INVS: variants seen among roughly 807,000 people sequenced by gnomAD.
INVS encodes the protein inversion of embryo turning homolog.
In INVS, 86 loss-of-function variants were observed where a neutral mutation model predicts 108.8. The ratio of observed to expected loss-of-function variants is 0.79; its 90% confidence interval spans 0.66 to 0.95. INVS has a LOEUF of 0.95. Ranked by LOEUF, INVS falls within the 40% of genes least tolerant of loss-of-function variation. The pLI, the probability that INVS is intolerant of heterozygous loss-of-function variation, is 0.00. For missense variants in INVS, 1,169 were observed against 1,297.4 expected (o/e 0.90, Z 1.52); for synonymous variants, 455 against 473.5 (o/e 0.96, Z 0.51).
intron 14 of INVS, 133 bp downstream of exon 14, chr9:100,293,176 C>T (rs1833681268): frequency 1.3e-6 from 1 of 767,714 alleles, no homozygotes; most frequent in Admixed American, 2.0e-5. Flanking sequence ...TAGAGCCTAC[C>T]CATGAAATTC....
intron 2 of INVS, among the ~76,000 whole-genome samples, chr9:100,125,326 G>A (rs1000895990): frequency 9.9e-5 from 15 of 152,212 alleles, no homozygotes. Flanking sequence ...TTTGAGTAGA[G>A]CATAGTCAAA....
intron 2 of INVS, chr9:100,117,431 C>T (rs1348457004): frequency 8.8e-6 from 7 of 792,338 alleles, no homozygotes; most frequent in Non-Finnish European, 1.6e-5. Context: ...CTTGACCAAG[C>T]GGCCCAGCTT....
At chr9:100,234,281 G>A (rs1358960040) in intron 5 of INVS, among the ~76,000 whole-genome samples, 1 of 151,974 alleles carries the variant, frequency 6.6e-6, no homozygotes, top group African/African-American at 2.4e-5. Flanking sequence ...AGTCTGGCTA[G>A]TGGTCTATTT....
Position 100,292,942 on chromosome 9 carries a change from C to T in INVS, c.2685C>T (p.Pro895=), listed in dbSNP as rs371932940. The T allele has an allele frequency of 1.8e-4, 292 of 1,613,010 alleles. No individual in the cohort carries two copies. Among genetic ancestry groups the T allele is most frequent in the Non-Finnish European group, 2.1e-4 (252 of 1,179,168 alleles). Residue 895 remains proline (P), a synonymous_variant, in exon 14 of 17, where the codon CCC becomes CCT. Transcript: ENST00000262457. Reference sequence around the variant, plus strand: ...AGAGTGTGAATATTGACCTTCTCCCCGTAGAGCTCCGACTGCAGATAATTC... The same window carrying T: ...AGAGTGTGAATATTGACCTTCTCCCTGTAGAGCTCCGACTGCAGATAATTC... ...SGQSVNIDLL[P]VELRLQIIQR... is the part of the protein sequence containing the mutation.
chr9:100,282,104 G>A (rs903506401), intron 12 of INVS, among the ~76,000 whole-genome samples: 24 of 152,006 alleles, frequency 1.6e-4, no homozygotes, highest in Non-Finnish European at 2.9e-4. Flanking sequence ...CCTGCTCATC[G>A]GTGCTGATAA....
chr9:100,280,100 T>C (rs1833230717), intron 12 of INVS, among the ~76,000 whole-genome samples: 3 of 152,228 alleles, frequency 2.0e-5, no homozygotes, highest in African/African-American at 7.2e-5. Flanking sequence ...TTTTTAGCCC[T>C]TTTCTTGCTA....
In INVS at chr9:100,272,922, T is replaced by G; in HGVS notation, c.1630T>G (p.Leu544Val). The G allele has an allele frequency of 3.0e-5, 48 of 1,614,122 alleles. 1 individual carries two copies. Among genetic ancestry groups the G allele is most frequent in the Non-Finnish European group, 4.1e-5 (48 of 1,180,020 alleles). The change falls in exon 12 of 17, where the codon TTG (leucine) becomes GTG (valine). Residue 544 changes from leucine (L) to valine (V), a missense_variant. By Grantham distance (32) the Leu-to-Val change is conservative (BLOSUM62 1). Around this residue, in one of 3 missense-constraint regions of INVS, gnomAD observed 271 missense variants for 363.8 expected, o/e 0.74. Coordinates refer to ENST00000262457, the MANE Select transcript of INVS (RefSeq NM_014425.5). The stretch of plus-strand genomic sequence containing the variant: ...GCGCCATGAAGTGATCCAGTTCATG[T>G]TGGAGCACGGTGCCCTGTCCATCGC... The part of the protein sequence containing the change: ...GERHEVIQFM[L>V]EHGALSIAAI...
At chr9:100,260,743 G>C (rs764315004) in intron 10 of INVS, among the ~76,000 whole-genome samples, 1 of 152,050 alleles carries the variant, frequency 6.6e-6, no homozygotes, top group South Asian at 2.1e-4. Flanking sequence ...GGGGAAGCTT[G>C]GGGGGAGATT....
intron 3 of INVS, among the ~76,000 whole-genome samples, chr9:100,195,102 G>T (rs1388348182): frequency 6.6e-6 from 1 of 152,124 alleles, no homozygotes; most frequent in Non-Finnish European, 1.5e-5. Context: ...GTCAAATATT[G>T]TGGCAACTGC....
chr9:100,167,514 A>C (rs1313700854), intron 3 of INVS, among the ~76,000 whole-genome samples: 1 of 152,104 alleles, frequency 6.6e-6, no homozygotes, highest in Non-Finnish European at 1.5e-5. Flanking sequence ...TATTCAAGTC[A>C]CTGTCTCAGT....
At chr9:100,291,958 A>T (rs1437769066) in intron 13 of INVS, among the ~76,000 whole-genome samples, 1 of 152,210 alleles carries the variant, frequency 6.6e-6, no homozygotes, top group Non-Finnish European at 1.5e-5. Flanking sequence ...GATATTTAAT[A>T]AGACCATCTG....
chr9:100,140,275 A>G (rs557905713), intron 3 of INVS, among the ~76,000 whole-genome samples: 30 of 152,162 alleles, frequency 2.0e-4, no homozygotes, highest in Non-Finnish European at 3.7e-4. Flanking sequence ...TGAGTCTGAA[A>G]AGAGTCAGTG....
At chr9:100,298,590 A>T (rs1833859016) in intron 16 of INVS, among the ~76,000 whole-genome samples, 1 of 152,122 alleles carries the variant, frequency 6.6e-6, no homozygotes, top group African/African-American at 2.4e-5. Context: ...AGTGTTTCTC[A>T]TAGGTGGCTA....
chr9:100,265,453 A>T (rs911870438), intron 11 of INVS, among the ~76,000 whole-genome samples: 1 of 152,206 alleles, frequency 6.6e-6, no homozygotes, highest in Non-Finnish European at 1.5e-5. Context: ...TCAGAATTTC[A>T]TCTATTGCCT....
intron 10 of INVS, among the ~76,000 whole-genome samples, chr9:100,253,987 C>G (rs866679012): frequency 2.6e-5 from 4 of 152,154 alleles, no homozygotes; most frequent in Non-Finnish European, 4.4e-5. Flanking sequence ...TTAGGAGTCG[C>G]CACACTGTCT....
rs554303601 is a variant in INVS, at chr9:100,224,050, C to CA, written c.274-2003dup. Among the ~76,000 whole-genome samples, 98 of 150,736 alleles carry CA rather than the reference C, an allele frequency of 6.5e-4. 1 individual carries two copies. The highest frequency in any genetic ancestry group is 1.3e-3 in the African/African-American group (52 of 41,038). On this transcript the variant is annotated intron_variant, in intron 3 of 16. Coordinates refer to ENST00000262457, the MANE Select transcript of INVS (RefSeq NM_014425.5). ...TAACTGATGAGCAAAAAAAACAAAA[C>CA]AAAAAAAAACACGCAAAAAAATCTC...
chr9:100,293,064 C>T (rs770462705), intron 14 of INVS, 21 bp downstream of exon 14: 73 of 1,587,774 alleles, frequency 4.6e-5, no homozygotes, highest in Non-Finnish European at 5.5e-5. Flanking sequence ...GGGGTGCTGC[C>T]GCATCTGTGG....
intron 1 of INVS, among the ~76,000 whole-genome samples, chr9:100,100,852 TG>T (rs1826897222): frequency 2.1e-4 from 4 of 18,670 alleles, no homozygotes; most frequent in Non-Finnish European, 3.4e-4. Context: ...ATATAATATA[TG>T]TATATATAAT....
chr9:100,113,570 G>A (rs182629715), intron 2 of INVS, among the ~76,000 whole-genome samples: 114 of 150,990 alleles, frequency 7.6e-4, no homozygotes, highest in African/African-American at 2.5e-3. Context: ...TTGTTTGTTT[G>A]TTTGTTTGTT....
Sources: allele counts gnomAD v4.1 joint callset (sites outside exome capture counted in the v4.1 genomes callset), GRCh38; gene constraint gnomAD v4.1.1; regional missense constraint gnomAD v4.1.1; transcripts MANE v1.5; gene names NCBI Gene and HGNC (gene_info 2026-07-23, HGNC 2026-07-21).